The following ADARB2 variants were observed in gnomAD, a reference collection of about 807,000 sequenced individuals.
ADARB2 encodes adenosine deaminase RNA specific B2 (inactive).
ADARB2 carries 25 observed loss-of-function variants against 62.2 expected under a neutral mutation model. The ratio of observed to expected loss-of-function variants is 0.40; its 90% CI spans 0.29 to 0.56. ADARB2 has a LOEUF of 0.56. Ranked by LOEUF, ADARB2 falls within the 20% of genes least tolerant of loss-of-function variation. The probability of loss-of-function intolerance (pLI) is 0.43; values close to 1 mark genes in which losing one functional copy is unlikely to be tolerated. For synonymous variants in ADARB2, 572 were observed against 500.8 expected, an observed-to-expected ratio of 1.14 and a Z score of -1.90; for missense variants, 1,071 against 1,077.4, an observed-to-expected ratio of 0.99 and a Z score of 0.08.
At chr10:1,633,164 GT>G (rs1222517171) in intron 1 of ADARB2, among the ~76,000 whole-genome samples, 1 of 152,158 alleles carries the variant, frequency 6.6e-6, no homozygotes, top group Non-Finnish European at 1.5e-5. Flanking sequence ...GGCTCCCCTG[GT>G]TCTGAGCCCT....
chr10:1,378,127 T>C (rs1424147633), intron 2 of ADARB2, among the ~76,000 whole-genome samples: 1 of 152,214 alleles, frequency 6.6e-6, no homozygotes, highest in Non-Finnish European at 1.5e-5. Context: ...GTCTTCTTTG[T>C]TAAATGCCTG....
At chr10:1,401,886 G>A (rs957500758) in intron 1 of ADARB2, among the ~76,000 whole-genome samples, 1 of 152,208 alleles carries the variant, frequency 6.6e-6, no homozygotes, top group African/African-American at 2.4e-5. Context: ...CCACGAGCGT[G>A]TACTTGTGGA....
At chr10:1,200,327 G>C in intron 7 of ADARB2, 180 bp from the exon 8 acceptor site, 1 of 775,382 alleles carries the variant, frequency 1.3e-6, no homozygotes, top group Non-Finnish European at 2.2e-6. Context: ...TGGGGACACT[G>C]TTGCCTGGGA....
chr10:1,366,979 C>G (rs559028557), intron 2 of ADARB2, among the ~76,000 whole-genome samples: 61 of 152,334 alleles, frequency 4.0e-4, no homozygotes, highest in Admixed American at 3.1e-3. Flanking sequence ...GATGTTGACA[C>G]GTGCATCTGC....
intron 1 of ADARB2, among the ~76,000 whole-genome samples, chr10:1,463,479 T>G (rs1445516358): frequency 2.6e-5 from 4 of 152,296 alleles, no homozygotes; most frequent in African/African-American, 9.6e-5. Context: ...TCCGCTAAAG[T>G]GGTTAACCCG....
intron 3 of ADARB2, among the ~76,000 whole-genome samples, chr10:1,319,261 C>T (rs1831773517): frequency 1.3e-5 from 2 of 152,174 alleles, no homozygotes; most frequent in Non-Finnish European, 2.9e-5. Flanking sequence ...CACAAGAAAG[C>T]ATGATCTTGC....
chr10:1,307,552 C>T (rs1831641121), intron 3 of ADARB2, among the ~76,000 whole-genome samples: 1 of 143,746 alleles, frequency 7.0e-6, no homozygotes, highest in African/African-American at 2.5e-5. Flanking sequence ...ACTAGAAATA[C>T]CATTTGACCC....
chr10:1,394,400 C>T (rs1832594106), intron 1 of ADARB2, among the ~76,000 whole-genome samples: 1 of 152,226 alleles, frequency 6.6e-6, no homozygotes. Flanking sequence ...TTAAGTGCCT[C>T]AGCTTCTCTA....
intron 1 of ADARB2, among the ~76,000 whole-genome samples, chr10:1,706,892 G>T (rs1205475847): frequency 6.4e-5 from 2 of 31,110 alleles, no homozygotes; most frequent in South Asian, 1.9e-3. Flanking sequence ...ACGGCAGGAA[G>T]TGGGGTTTTT....
intron 1 of ADARB2, among the ~76,000 whole-genome samples, chr10:1,402,286 G>A (rs1348012960): frequency 2.0e-5 from 3 of 152,170 alleles, no homozygotes; most frequent in Non-Finnish European, 4.4e-5. Flanking sequence ...CCAGGGGTAG[G>A]GCGCCTTCTA....
At chr10:1,548,129 A>T (rs1832554329) in intron 1 of ADARB2, among the ~76,000 whole-genome samples, 1 of 152,160 alleles carries the variant, frequency 6.6e-6, no homozygotes, top group Admixed American at 6.5e-5. Flanking sequence ...TTGGACGCCG[A>T]AGCTCAGGTG....
chr10:1,399,372 C>T (rs1280674318), intron 1 of ADARB2, among the ~76,000 whole-genome samples: 1 of 152,088 alleles, frequency 6.6e-6, no homozygotes. Context: ...AGATGAGACC[C>T]TTTTATGGGA....
At chr10:1,610,036 T>C (rs775106640) in intron 1 of ADARB2, among the ~76,000 whole-genome samples, 14 of 140,698 alleles carry the variant, frequency 1.0e-4, no homozygotes, top group African/African-American at 3.5e-4. Flanking sequence ...ACCAGCTGAA[T>C]TGGATTGCTG....
intron 3 of ADARB2, among the ~76,000 whole-genome samples, chr10:1,340,190 C>T (rs530723497): frequency 6.7e-6 from 1 of 149,202 alleles, no homozygotes; most frequent in Non-Finnish European, 1.5e-5. Context: ...CGGCAATAAC[C>T]GGCATCCACC....
At chr10:1,559,609 G>A (rs935339309) in intron 1 of ADARB2, among the ~76,000 whole-genome samples, 3 of 152,222 alleles carry the variant, frequency 2.0e-5, no homozygotes, top group African/African-American at 7.2e-5. Context: ...GTCAGGAGGA[G>A]CCTGGGCCGG....
chr10:1,645,579 T>A (rs931978404), intron 1 of ADARB2, among the ~76,000 whole-genome samples: 5 of 152,164 alleles, frequency 3.3e-5, no homozygotes, highest in Admixed American at 6.5e-5. Flanking sequence ...GATGCCTCAG[T>A]CACACAAAAC....
Position 1,604,164 on chromosome 10 carries a change from T to C in ADARB2, c.100+132887A>G, listed in dbSNP as rs114503821. ...CTCAGTCATCAATCAGCATTTACTA[T>C]GAATTTTTCAGAAAAATATATTTTT... On this transcript the variant is annotated intron_variant, in intron 1 of 9. Transcript: ENST00000381312. Among the ~76,000 whole-genome samples the C allele has an allele frequency of 4.7e-3, 714 of 152,322 alleles. 2 individuals are homozygous for C. Among genetic ancestry groups the C allele is most frequent in the African/African-American group, 0.016 (656 of 41,568 alleles).
intron 1 of ADARB2, among the ~76,000 whole-genome samples, chr10:1,603,537 CGAAG>C (rs781391854): frequency 5.3e-4 from 80 of 152,074 alleles, no homozygotes; most frequent in Non-Finnish European, 7.9e-4. Flanking sequence ...TTTCCTTGGC[CGAAG>C]GAAGGCCTGA....
chr10:1,475,252 T>C (rs985021737), intron 1 of ADARB2, among the ~76,000 whole-genome samples: 4 of 152,102 alleles, frequency 2.6e-5, no homozygotes, highest in African/African-American at 9.7e-5. Flanking sequence ...GCTTAGGTGG[T>C]TTTGAATAAC....
Sources: allele counts gnomAD v4.1 joint callset (sites outside exome capture counted in the v4.1 genomes callset), GRCh38; gene constraint gnomAD v4.1.1; transcripts MANE v1.5; gene names NCBI Gene and HGNC (gene_info 2026-07-23, HGNC 2026-07-21).